Variants in PICK1 observed in about 807,000 individuals in gnomAD.
PICK1 encodes protein interacting with PRKCA 1, also known as PRKCA-binding protein.
A neutral mutation model predicts 48.9 loss-of-function variants in PICK1; 23 were observed. The observed-to-expected ratio is 0.47, with a 90% CI of 0.34 to 0.67. The LOEUF is 0.67. PICK1 is among the 30% of genes least tolerant of loss of function. The probability of loss-of-function intolerance (pLI) is 0.01; values close to 1 mark genes in which losing one functional copy is unlikely to be tolerated. For synonymous variants in PICK1, 217 were observed against 228.2 expected (o/e 0.95, Z 0.44); for missense variants, 423 against 557.1 (o/e 0.76, Z 2.42).
At chr22:38,072,035 G>T in intron 8 of PICK1, 1 of 514,998 alleles carries the variant, frequency 1.9e-6, no homozygotes, top group African/African-American at 1.9e-5. Flanking sequence ...TGGGCAGGCC[G>T]ACTGCAGCTG....
In PICK1 at chr22:38,059,282, G is replaced by A; in HGVS notation, c.90G>A (p.Gln30=). 6.3e-7 allele frequency: 1 copy of A among 1,582,404 alleles called. No homozygotes were observed. Residue 30 remains glutamine, a synonymous_variant, in exon 3 of 13, where the codon CAG becomes CAA. Transcript: ENST00000356976. ...AGGTGACCCTGCAGAAGGATGCTCA[G>A]AACCTGATCGGGATCAGCATTGGAG... The part of the protein sequence containing the change: ...PGKVTLQKDA[Q]NLIGISIGGG...
chr22:38,070,920 C>T, intron 7 of PICK1, 29 bp downstream of exon 7: 1 of 1,590,890 alleles, frequency 6.3e-7, no homozygotes, highest in Non-Finnish European at 8.6e-7. Flanking sequence ...CGTCCTGGCA[C>T]TAGCTCTACC....
intron 3 of PICK1, among the ~76,000 whole-genome samples, chr22:38,063,422 C>T (rs553916805): frequency 6.6e-6 from 1 of 152,218 alleles, no homozygotes; most frequent in South Asian, 2.1e-4. Flanking sequence ...GTGCGCACCA[C>T]CGTGCCCAGC....
At chr22:38,072,909 C>A in intron 9 of PICK1, 91 bp from the exon 10 acceptor site, 2 of 918,570 alleles carry the variant, frequency 2.2e-6, no homozygotes, top group South Asian at 2.6e-5. Context: ...ATAGTCGAGT[C>A]CACCAACAAG....
intron 9 of PICK1, 39 bp downstream of exon 9, chr22:38,072,649 G>GGTGGGGAGGGGAGAGTGTGGC (rs1268826078): frequency 4.4e-6 from 7 of 1,609,070 alleles, no homozygotes; most frequent in Admixed American, 1.7e-5. Flanking sequence ...GGCGTGTGAG[G>GGTGGGGAGGGGAGAGTGTGGC]GTGGGGAGGG....
At chr22:38,070,102 G>C (rs2085640206) in intron 6 of PICK1, among the ~76,000 whole-genome samples, 1 of 152,192 alleles carries the variant, frequency 6.6e-6, no homozygotes, top group Admixed American at 6.5e-5. Context: ...CCGACAGCCT[G>C]TCGCACTGCC....
chr22:38,072,435 G>A, intron 8 of PICK1, 42 bp from the exon 9 acceptor site: 2 of 1,603,402 alleles, frequency 1.2e-6, no homozygotes, highest in Non-Finnish European at 8.5e-7. Flanking sequence ...TTCTCTTAGG[G>A]GGCCAAGTAG....
intron 5 of PICK1, chr22:38,068,092 G>A: frequency 2.0e-6 from 1 of 505,394 alleles, no homozygotes; most frequent in South Asian, 1.5e-5. Context: ...CGGCTTCCAT[G>A]GCCCAGGGCC....
chr22:38,069,175 A>G, intron 6 of PICK1, 53 bp downstream of exon 6: 1 of 1,313,360 alleles, frequency 7.6e-7, no homozygotes, highest in East Asian at 2.5e-5. Context: ...CCAGGCTGAG[A>G]AGAGTGGGGG....
At chr22:38,072,710 A>C in intron 9 of PICK1, 100 bp downstream of exon 9, 1 of 1,515,860 alleles carries the variant, frequency 6.6e-7, no homozygotes, top group Non-Finnish European at 9.1e-7. Context: ...GTGCCTGGGT[A>C]CAGCCTCTGG....
chr22:38,062,372 G>A (rs1034080705), intron 3 of PICK1, among the ~76,000 whole-genome samples: 4 of 151,292 alleles, frequency 2.6e-5, no homozygotes, highest in East Asian at 1.9e-4. Context: ...CTCAGCCTCC[G>A]AAGTAGCTGG....
chr22:38,065,109 G>C lies in PICK1; in HGVS notation c.261G>C (p.Ala87=), dbSNP rs751625775. The C allele has an allele frequency of 3.1e-6, 5 of 1,613,930 alleles. No individual in the cohort carries two copies. The African/African-American group carries it at 6.7e-5, about 22-fold the overall frequency. Reference sequence around the variant, plus strand: ...AAGGGAAAACTAAGGTGGAGGTGGCGAAGATGATTCAGGAGGTGAAGGTAA... The same window carrying C: ...AAGGGAAAACTAAGGTGGAGGTGGCCAAGATGATTCAGGAGGTGAAGGTAA... ...SIKGKTKVEV[A]KMIQEVKGEV... is the part of the protein sequence containing the mutation. The change falls in exon 4 of 13, where the codon GCG becomes GCC. Residue 87 remains alanine, a synonymous_variant. Transcript: ENST00000356976.
chr22:38,057,508 TCCCCAGGGCCTGGAGAC>T lies in PICK1; in HGVS notation c.-134_-118del. On this transcript the variant is annotated 5_prime_UTR_variant, in exon 1 of 13. Coordinates refer to ENST00000356976, the MANE Select transcript of PICK1 (RefSeq NM_012407.4). ...GCTTCCGGTGAGCGACAGAGGCAGC[TCCCCAGGGCCTGGAGAC>T]CCGTGGGGCGGACTCTGGGATCTGA... 2.4e-6 allele frequency: 1 copy of T among 424,272 alleles called. No individual in the cohort carries two copies. Among genetic ancestry groups the T allele is most frequent in the Non-Finnish European group, 4.3e-6 (1 of 232,852 alleles). The allele number at this position is 424,272 out of a possible 1,614,324, so 26.3% of individuals were successfully genotyped here. A position where few individuals can be genotyped will look rare whatever the true frequency, so the allele number is the denominator to read the frequency against.
chr22:38,072,733 C>A, intron 9 of PICK1, 123 bp downstream of exon 9: 1 of 1,397,574 alleles, frequency 7.2e-7, no homozygotes, highest in Non-Finnish European at 1.0e-6. Context: ...CAGTCACCCA[C>A]ACAGTGGACT....
rs763544456 is a variant in PICK1 at position 38,073,106 on chromosome 22, G to A, written c.783+14G>A. ...TTTGAGTACCTGGTGAGTAGTCCAG[G>A]TGCCCAGGCTGCTAGGGCAAGCGCC... On this transcript the variant is annotated intron_variant, in intron 10 of 12. Transcript: ENST00000356976. This position sits in a 1 kb window ranked among gnomAD's most constrained non-coding sequence, Gnocchi z 5.7. The A allele has an allele frequency of 4.5e-6, 7 of 1,561,776 alleles. No individual in the cohort carries two copies. Among genetic ancestry groups the A allele is most frequent in the Non-Finnish European group, 1.8e-6 (2 of 1,132,710 alleles).
chr22:38,064,693 G>A (rs991842420), intron 3 of PICK1, among the ~76,000 whole-genome samples: 7 of 152,264 alleles, frequency 4.6e-5, no homozygotes, highest in African/African-American at 1.7e-4. Context: ...CCCGGGAGGC[G>A]GAGGTTGCGG....
At chr22:38,070,100 C>T (rs576343192) in intron 6 of PICK1, among the ~76,000 whole-genome samples, 1 of 152,356 alleles carries the variant, frequency 6.6e-6, no homozygotes, top group East Asian at 1.9e-4. Flanking sequence ...CCCCGACAGC[C>T]TGTCGCACTG....
chr22:38,067,980 C>A, intron 5 of PICK1: 1 of 672,908 alleles, frequency 1.5e-6, no homozygotes, highest in South Asian at 1.5e-5. Flanking sequence ...TGTACTCTGT[C>A]CCTGGTTTCT....
At position 38,075,277 on chromosome 22, in the gene PICK1, G is replaced by A. The variant is rs1219969268; in HGVS notation, c.*145G>A. The stretch of plus-strand genomic sequence containing the variant: ...CCCTGCTCCTCTGTCCTCGCACAGC[G>A]AACCTGGGCTCCTGCCCAGGACAGG... On this transcript the variant is annotated 3_prime_UTR_variant, in exon 13 of 13. Coordinates refer to ENST00000356976, the MANE Select transcript of PICK1 (RefSeq NM_012407.4). 2.7e-5 allele frequency: 21 copies of A among 778,494 alleles called. No homozygotes were observed. Among genetic ancestry groups the A allele is most frequent in the Middle Eastern group, 3.8e-4 (1 of 2,632 alleles). The allele number at this position is 778,494 out of a possible 1,614,324, so 48.2% of individuals were successfully genotyped here.
Sources: allele counts gnomAD v4.1 joint callset (sites outside exome capture counted in the v4.1 genomes callset), GRCh38; gene constraint gnomAD v4.1.1; non-coding constraint Gnocchi (gnomAD v3.1); transcripts MANE v1.5; gene names NCBI Gene and HGNC (gene_info 2026-07-23, HGNC 2026-07-21).